Variants in HEATR4 observed in about 807,000 individuals in gnomAD.
HEATR4 encodes the protein HEAT repeat-containing protein 4.
In HEATR4, 95 loss-of-function variants were observed where a neutral mutation model predicts 108.8. The ratio of observed to expected loss-of-function variants is 0.87; its 90% CI spans 0.74 to 1.04. The LOEUF is 1.04. Ranked by LOEUF, HEATR4 falls within the 50% of genes least tolerant of loss-of-function variation. The pLI is 0.00. For synonymous variants in HEATR4, 443 were observed against 459.4 expected (o/e 0.96, Z 0.46); for missense variants, 1,152 against 1,253.8 (o/e 0.92, Z 1.23).
In HEATR4 at chr14:73,506,804, G is replaced by GTTTTTT. The variant is rs34660727; in HGVS notation, c.1882-239_1882-234dup. Among the ~76,000 whole-genome samples, 242 of 80,462 alleles carry GTTTTTT rather than the reference G, an allele frequency of 3.0e-3. 41 individuals carry two copies. Among genetic ancestry groups the GTTTTTT allele is most frequent in the African/African-American group, 6.2e-3 (127 of 20,404 alleles). 52.8% of individuals were successfully genotyped at this position (80,462 alleles called of 152,430 possible). A position where few individuals can be genotyped will look rare whatever the true frequency, so the allele number is the denominator to read the frequency against. On this transcript the variant is annotated intron_variant, in intron 9 of 17. Coordinates refer to ENST00000553558, the MANE Select transcript of HEATR4 (RefSeq NM_001220484.1). ...GGACCTTCCTTTCCTGACTTTAACT[G>GTTTTTT]TTTTTTTTTTTTTTTTTTTTTCTGA...
the HEATR4 span, among the ~76,000 whole-genome samples, chr14:73,603,826 C>G: frequency 4.1e-4 from 62 of 151,970 alleles, 1 homozygote; most frequent in African/African-American, 1.4e-3. Context: ...CTCTTCCTCC[C>G]AGGTTCAAGC....
At chr14:73,519,723 TAAGAA>T (rs1887856942) in intron 4 of HEATR4, among the ~76,000 whole-genome samples, 1 of 150,786 alleles carries the variant, frequency 6.6e-6, no homozygotes, top group African/African-American at 2.4e-5. Flanking sequence ...ATTTCAAAAA[TAAGAA>T]AAGAACCGGC....
intron 10 of HEATR4, among the ~76,000 whole-genome samples, chr14:73,506,048 A>G (rs1445299139): frequency 6.6e-6 from 1 of 151,160 alleles, no homozygotes; most frequent in Non-Finnish European, 1.5e-5. Flanking sequence ...GTGCCACCAC[A>G]CTCTGCTAAT....
At chr14:73,483,721 C>T (rs1885338920) in intron 17 of HEATR4, among the ~76,000 whole-genome samples, 1 of 151,908 alleles carries the variant, frequency 6.6e-6, no homozygotes, top group African/African-American at 2.4e-5. Flanking sequence ...AGTTATCAAA[C>T]TGTTATGGCA....
chr14:73,510,576 C>T (rs1887190365), intron 7 of HEATR4, among the ~76,000 whole-genome samples: 1 of 152,136 alleles, frequency 6.6e-6, no homozygotes, highest in African/African-American at 2.4e-5. Context: ...TCTGGGACTA[C>T]AGGCACCTGT....
chr14:73,484,509 G>C (rs1566816163), intron 17 of HEATR4, among the ~76,000 whole-genome samples: 1 of 152,000 alleles, frequency 6.6e-6, no homozygotes, highest in Non-Finnish European at 1.5e-5. Context: ...CACCTGAGTA[G>C]CTGGGATTAT....
the HEATR4 span, among the ~76,000 whole-genome samples, chr14:73,580,184 T>TGGCGCTATCATAGCTCATTGCAGC: frequency 6.6e-6 from 1 of 152,056 alleles, no homozygotes; most frequent in Non-Finnish European, 1.5e-5. Flanking sequence ...TGGAGTGCAG[T>TGGCGCTATCATAGCTCATTGCAGC]GGCGCTATCA....
intron 2 of HEATR4, among the ~76,000 whole-genome samples, chr14:73,524,514 A>G (rs1271282600): frequency 6.6e-6 from 1 of 150,956 alleles, no homozygotes; most frequent in Non-Finnish European, 1.5e-5. Flanking sequence ...TGGCCTAATA[A>G]TGATAGTTTT....
intron 5 of HEATR4, among the ~76,000 whole-genome samples, chr14:73,516,924 G>A (rs931212765): frequency 2.5e-4 from 38 of 152,128 alleles, no homozygotes; most frequent in Non-Finnish European, 3.7e-4. Flanking sequence ...TATCTTCCAC[G>A]AAACCGGTCC....
chr14:73,493,200 TTCA>T (rs1885901788), intron 16 of HEATR4, 76 bp from the exon 17 acceptor site: 3 of 1,143,574 alleles, frequency 2.6e-6, no homozygotes, highest in African/African-American at 3.1e-5. Context: ...GAGCACCAAC[TTCA>T]TCACCTTCAG....
At chr14:73,610,542 C>T in the HEATR4 span, among the ~76,000 whole-genome samples, 2 of 152,110 alleles carry the variant, frequency 1.3e-5, no homozygotes, top group African/African-American at 4.8e-5. Flanking sequence ...CCGCCCCCCT[C>T]GGCCTCCCAA....
the HEATR4 span, among the ~76,000 whole-genome samples, chr14:73,615,388 T>TAAAAAAAAAAAAA: frequency 4.7e-5 from 3 of 63,322 alleles, no homozygotes; most frequent in African/African-American, 3.0e-4. Flanking sequence ...CTCTGTCTGA[T>TAAAAAAAAAAAAA]AAAAAAAAAA....
At chr14:73,567,027 TC>T in the HEATR4 span, among the ~76,000 whole-genome samples, 1 of 152,086 alleles carries the variant, frequency 6.6e-6, no homozygotes, top group Non-Finnish European at 1.5e-5. Flanking sequence ...CAGGATGGTG[TC>T]GATCTCCTGA....
upstream of HEATR4, among the ~76,000 whole-genome samples, chr14:73,562,203 G>A (rs913637746): frequency 3.9e-5 from 6 of 151,966 alleles, no homozygotes; most frequent in African/African-American, 9.7e-5. Context: ...GGAAGTCAAG[G>A]ACCCCGAATG....
chr14:73,528,838 G>A (rs896542702), intron 2 of HEATR4: 10 of 152,168 alleles, frequency 6.6e-5, no homozygotes, highest in African/African-American at 2.2e-4. Flanking sequence ...TGCACTGAGC[G>A]CTTCGGGAAG....
At chr14:73,590,283 A>G in the HEATR4 span, among the ~76,000 whole-genome samples, 1 of 152,162 alleles carries the variant, frequency 6.6e-6, no homozygotes, top group Non-Finnish European at 1.5e-5. Context: ...GATTAGCTAG[A>G]TACAGAGTGC....
Position 73,530,824 on chromosome 14 carries a change from A to C in HEATR4, c.-151-580T>G, listed in dbSNP as rs1310010841. On this transcript the variant is annotated intron_variant, in intron 1 of 17. Coordinates refer to ENST00000553558, the MANE Select transcript of HEATR4 (RefSeq NM_001220484.1). ...TTTTTTTTTTTTTTTTTTTTTGTAG[A>C]GATAGAGTCTCACCATGTTGTTCAG... 8.7e-5 allele frequency among the ~76,000 whole-genome samples: 6 copies of C among 68,810 alleles called. 2 individuals carry two copies. The highest frequency in any genetic ancestry group is 8.5e-5 in the Non-Finnish European group (3 of 35,302). 45.1% of individuals were successfully genotyped at this position (68,810 alleles called of 152,430 possible).
At chr14:73,630,501 C>T in the HEATR4 span, among the ~76,000 whole-genome samples, 1 of 152,196 alleles carries the variant, frequency 6.6e-6, no homozygotes, top group Non-Finnish European at 1.5e-5. Flanking sequence ...CATAGTGGTT[C>T]GCTCCCCCAA....
intron 10 of HEATR4, among the ~76,000 whole-genome samples, chr14:73,506,131 C>T (rs551634620): frequency 3.9e-5 from 6 of 152,080 alleles, no homozygotes; most frequent in Middle Eastern, 6.8e-3. Flanking sequence ...CCTCGTGATC[C>T]GCCTGCCTTG....
Sources: gnomAD v4.1 joint callset for allele counts (sites outside exome capture counted in the v4.1 genomes callset) on GRCh38, gnomAD v4.1.1 for gene constraint, MANE v1.5 for transcripts, NCBI Gene and HGNC (gene_info 2026-07-23, HGNC 2026-07-21) for gene names.